APBA2: variants seen among roughly 807,000 people sequenced by gnomAD.
APBA2 encodes amyloid-beta A4 precursor protein-binding family A member 2.
Under a neutral mutation model 75.0 loss-of-function variants are expected in APBA2, and 30 were observed. The ratio of observed to expected loss-of-function variants is 0.40; its 90% CI spans 0.30 to 0.54. APBA2 has a LOEUF of 0.54. APBA2 is among the 20% of genes least tolerant of loss of function. APBA2 has a pLI of 0.49. For missense variants in APBA2, 801 were observed against 1,016.1 expected, an observed-to-expected ratio of 0.79 and a Z score of 2.88; for synonymous variants, 444 against 409.6, an observed-to-expected ratio of 1.08 and a Z score of -1.01.
In APBA2 at chr15:29,017,427, ATC is replaced by A. The variant is rs1345395109; in HGVS notation, c.-41+21629_-41+21630del. Reference sequence around the variant, plus strand: ...TTTTTTTTTTTTTTTTTGAGATGGAATCTCTCTCTGTTGCCCACTGCAACCTC... The same window carrying A: ...TTTTTTTTTTTTTTTTTGAGATGGAATCTCTCTGTTGCCCACTGCAACCTC... On this transcript the variant is annotated intron_variant, in intron 3 of 14. Coordinates refer to ENST00000683413, the MANE Select transcript of APBA2 (RefSeq NM_001353788.2). 5.4e-5 allele frequency among the ~76,000 whole-genome samples: 6 copies of A among 110,838 alleles called. No individual in the cohort carries two copies. In the East Asian group the frequency reaches 7.6e-4, roughly 14 times the overall value. The allele number at this position is 110,838 out of a possible 152,430, so 72.7% of individuals were successfully genotyped here.
rs115666639 is a variant in APBA2 at position 29,079,412 on chromosome 15, T to C, written c.1069+3321T>C. 8.9e-3 allele frequency among the ~76,000 whole-genome samples: 1,348 copies of C among 152,298 alleles called. 30 individuals carry two copies. The highest frequency in any genetic ancestry group is 0.03 in the African/African-American group (1,261 of 41,566). On this transcript the variant is annotated intron_variant, in intron 6 of 14. Transcript: ENST00000683413. ...CATGTCTAGCTGAGCCTTAGGACAC[T>C]GCATGCTTCTGAATATCTAGTTGAA...
chr15:28,911,416 G>C (rs1418212510), intron 1 of APBA2, among the ~76,000 whole-genome samples: 1 of 152,208 alleles, frequency 6.6e-6, no homozygotes, highest in Non-Finnish European at 1.5e-5. Flanking sequence ...CCTGTGGTTT[G>C]CACAGGGTGA....
In APBA2 at chr15:29,106,690, C is replaced by T. The variant is rs773839679; in HGVS notation, c.1788C>T (p.Ile596=). The T allele has an allele frequency of 1.2e-5, 20 of 1,612,950 alleles. No individual in the cohort carries two copies. The highest frequency in any genetic ancestry group is 1.7e-5 in the Non-Finnish European group (20 of 1,180,016). The stretch of plus-strand genomic sequence containing the variant: ...GGGGCTCCATCCTGCCCACGGTGAT[C>T]CTGGCCAACATGATGAATGGCGGCC... ...SGWGSILPTV[I]LANMMNGGPA... is the part of the protein sequence containing the mutation. The change falls in exon 12 of 15, where the codon ATC becomes ATT. Residue 596 remains isoleucine, a synonymous_variant. Coordinates refer to ENST00000683413, the MANE Select transcript of APBA2 (RefSeq NM_001353788.2).
At chr15:28,954,467 C>T (rs1015087105) in intron 2 of APBA2, among the ~76,000 whole-genome samples, 4 of 152,198 alleles carry the variant, frequency 2.6e-5, no homozygotes, top group Admixed American at 6.5e-5. Context: ...TTGGTTCCAA[C>T]GTTCCCTTCT....
chr15:29,046,467 C>T lies in APBA2; in HGVS notation c.-40-7378C>T, dbSNP rs2041337802. ...CACCCCCTGGAGTAGGGGAAGAAGG[C>T]TTGGAATGTGGTGGGCCTAGGCTTC... On this transcript the variant is annotated intron_variant, in intron 3 of 14. Transcript: ENST00000683413. The surrounding 1 kb of genome is among the most constrained non-coding windows in gnomAD (Gnocchi z 5.0). Among the ~76,000 whole-genome samples the T allele has an allele frequency of 6.6e-6, 1 of 152,184 alleles. No homozygotes were observed. Among genetic ancestry groups the T allele is most frequent in the Admixed American group, 6.5e-5 (1 of 15,284 alleles).
chr15:29,070,207 C>T (rs1483696806), intron 4 of APBA2, among the ~76,000 whole-genome samples: 1 of 152,174 alleles, frequency 6.6e-6, no homozygotes, highest in Non-Finnish European at 1.5e-5. Flanking sequence ...GAACTGTACA[C>T]TCAAAAATGG....
rs183564040 is a variant in APBA2 at position 29,064,042 on chromosome 15, C to T, written c.951+9207C>T. 3.6e-3 allele frequency among the ~76,000 whole-genome samples: 553 copies of T among 152,258 alleles called. 3 individuals carry two copies. Among genetic ancestry groups the T allele is most frequent in the Admixed American group, 0.012 (181 of 15,306 alleles). On this transcript the variant is annotated intron_variant, in intron 4 of 14. Transcript: ENST00000683413. The stretch of plus-strand genomic sequence containing the variant: ...CTGCTGGAGAAGTTCTCACATGCCT[C>T]TTTCTACTCCAGAGTCACTGATTTG...
chr15:28,889,602 C>T (rs1262711096), intron 1 of APBA2, among the ~76,000 whole-genome samples: 1 of 152,224 alleles, frequency 6.6e-6, no homozygotes, highest in Non-Finnish European at 1.5e-5. Context: ...GGGTTGTCCC[C>T]ACCCCATCCC....
rs146543858 is a variant in APBA2, at chr15:29,116,004, G to A, written c.2179-1058G>A. On this transcript the variant is annotated intron_variant, in intron 14 of 14. Transcript: ENST00000683413. The stretch of plus-strand genomic sequence containing the variant: ...GGAGGCCGCAGCCTAGCACAGTCCC[G>A]GGCAGGACAGGGGAGAGCGTCGTGC... Among the ~76,000 whole-genome samples the A allele has an allele frequency of 2.0e-3, 305 of 152,316 alleles. 2 individuals are homozygous for A. The highest frequency in any genetic ancestry group is 7.0e-3 in the African/African-American group (292 of 41,576).
chr15:28,958,934 A>G (rs1470358895), intron 2 of APBA2, among the ~76,000 whole-genome samples: 2 of 152,044 alleles, frequency 1.3e-5, no homozygotes, highest in Non-Finnish European at 2.9e-5. Flanking sequence ...TATTCATTAA[A>G]CAAATCTCTT....
At chr15:28,955,178 A>G (rs2036101894) in intron 2 of APBA2, among the ~76,000 whole-genome samples, 5 of 152,066 alleles carry the variant, frequency 3.3e-5, no homozygotes, top group Admixed American at 6.6e-5. Flanking sequence ...GGATACCTCT[A>G]CATTATAGAC....
At chr15:28,958,885 A>G (rs1210221059) in intron 2 of APBA2, among the ~76,000 whole-genome samples, 1 of 151,440 alleles carries the variant, frequency 6.6e-6, no homozygotes, top group Non-Finnish European at 1.5e-5. Context: ...TTACTTGGCT[A>G]TAGTCTTGTT....
intron 3 of APBA2, among the ~76,000 whole-genome samples, chr15:29,045,086 TCTCTCTCTCTCTC>T (rs2041247012): frequency 7.0e-6 from 1 of 142,324 alleles, no homozygotes; most frequent in African/African-American, 2.8e-5. Flanking sequence ...TCTCTCTCTC[TCTCTCTCTCTCTC>T]TCTCGTCTCG....
intron 1 of APBA2, among the ~76,000 whole-genome samples, chr15:28,887,334 G>A (rs1425142795): frequency 6.6e-6 from 1 of 152,136 alleles, no homozygotes; most frequent in Admixed American, 6.5e-5. Context: ...TTATTTTTCT[G>A]TTTTCCTTCC....
chr15:28,912,689 A>G (rs2033486952), intron 1 of APBA2, among the ~76,000 whole-genome samples: 1 of 152,202 alleles, frequency 6.6e-6, no homozygotes, highest in Non-Finnish European at 1.5e-5. Context: ...AGCTGGCCTC[A>G]TTTCTGGCAG....
chr15:29,012,972 C>T (rs998886557), intron 3 of APBA2, among the ~76,000 whole-genome samples: 3 of 152,122 alleles, frequency 2.0e-5, no homozygotes, highest in Non-Finnish European at 4.4e-5. Flanking sequence ...TAATTATCTA[C>T]TTGTCATGAT....
At chr15:28,902,102 G>T (rs924600141) in intron 1 of APBA2, among the ~76,000 whole-genome samples, 4 of 151,946 alleles carry the variant, frequency 2.6e-5, no homozygotes, top group African/African-American at 9.7e-5. Flanking sequence ...TTCCATCCTC[G>T]CTCCTCCAAT....
chr15:29,064,878 G>T (rs1018177903), intron 4 of APBA2, among the ~76,000 whole-genome samples: 1 of 152,156 alleles, frequency 6.6e-6, no homozygotes. Context: ...CCTGTTGGCG[G>T]GGTCCCCTGA....
chr15:28,913,438 C>G lies in APBA2; in HGVS notation c.-204-8202C>G, dbSNP rs370525770. 5.0e-3 allele frequency among the ~76,000 whole-genome samples: 769 copies of G among 152,310 alleles called. 4 individuals are homozygous for G. Among genetic ancestry groups the G allele is most frequent in the Non-Finnish European group, 8.3e-3 (565 of 68,016 alleles). On this transcript the variant is annotated intron_variant, in intron 1 of 14. Transcript: ENST00000683413. The stretch of plus-strand genomic sequence containing the variant: ...GTCAGGCCACAGTACTACCTCCTGT[C>G]CCTTCCCCCAGGATCCTAGGGTCTC...
Sources: allele counts gnomAD v4.1 joint callset (sites outside exome capture counted in the v4.1 genomes callset), GRCh38; gene constraint gnomAD v4.1.1; non-coding constraint Gnocchi (gnomAD v3.1); transcripts MANE v1.5; gene names NCBI Gene and HGNC (gene_info 2026-07-23, HGNC 2026-07-21).